Variants in ANXA8 observed in about 807,000 individuals in gnomAD.
The protein encoded by ANXA8 is annexin A8.
A neutral mutation model predicts 26.8 loss-of-function variants in ANXA8; 9 were observed. That is an observed-to-expected ratio of 0.34 (90% CI 0.20 to 0.59). The LOEUF (loss-of-function observed/expected upper bound fraction) is 0.59, where lower values mean the gene tolerates loss of function less well. ANXA8 is among the 20% of genes least tolerant of loss of function. The pLI, the probability that ANXA8 is intolerant of heterozygous loss-of-function variation, is 0.84. For synonymous variants in ANXA8, 39 were observed against 94.8 expected (o/e 0.41, Z 3.42); for missense variants, 83 against 238.5 (o/e 0.35, Z 4.29).
At chr10:47,672,391 T>C in the ANXA8 span, among the ~76,000 whole-genome samples, 1 of 151,920 alleles carries the variant, frequency 6.6e-6, no homozygotes, top group East Asian at 1.9e-4. Context: ...ACACAGGTTC[T>C]TTTTTGGTAA....
chr10:47,492,902 G>T, the ANXA8 span, among the ~76,000 whole-genome samples: 279 of 150,728 alleles, frequency 1.9e-3, no homozygotes, highest in Middle Eastern at 3.4e-3. Flanking sequence ...CCCAATGCAG[G>T]CTCCTGGAGC....
chr10:47,977,832 A>G, the ANXA8 span, among the ~76,000 whole-genome samples: 11 of 151,308 alleles, frequency 7.3e-5, no homozygotes, highest in Non-Finnish European at 1.2e-4. Context: ...GAGCATACCA[A>G]TATGTATATA....
the ANXA8 span, chr10:47,504,055 T>G: frequency 1.8e-6 from 1 of 565,398 alleles, no homozygotes. Flanking sequence ...CTCCAGCACA[T>G]TCTTTTTACA....
chr10:47,743,323 T>TACAC, the ANXA8 span, among the ~76,000 whole-genome samples: 1 of 94,310 alleles, frequency 1.1e-5, no homozygotes. Context: ...CACATATATA[T>TACAC]ATATACATAT....
upstream of ANXA8, among the ~76,000 whole-genome samples, chr10:47,486,331 G>C (rs1840045529): frequency 6.8e-6 from 1 of 146,430 alleles, no homozygotes; most frequent in South Asian, 2.2e-4. Context: ...AAACATGCAA[G>C]ACAAATGAGG....
At chr10:47,489,562 C>A in the ANXA8 span, 1 of 619,434 alleles carries the variant, frequency 1.6e-6, no homozygotes, top group African/African-American at 1.9e-5. Flanking sequence ...CCCTCCTTCC[C>A]TGCCCGACCT....
the ANXA8 span, among the ~76,000 whole-genome samples, chr10:47,643,167 T>TG: frequency 9.9e-5 from 8 of 81,052 alleles, no homozygotes; most frequent in East Asian, 2.2e-3. Context: ...TAGGAAGAAT[T>TG]GAAAAACACC....
At chr10:47,945,356 A>G in the ANXA8 span, among the ~76,000 whole-genome samples, 1 of 150,474 alleles carries the variant, frequency 6.6e-6, no homozygotes, top group Non-Finnish European at 1.5e-5. Flanking sequence ...ACTCGATGTT[A>G]TGGGCTCACG....
chr10:47,711,106 T>C, the ANXA8 span, among the ~76,000 whole-genome samples: 2 of 148,652 alleles, frequency 1.3e-5, no homozygotes, highest in Admixed American at 6.6e-5. Flanking sequence ...TCAAGGGAGT[T>C]ACCTTAACTC....
chr10:47,923,017 GC>G, the ANXA8 span: 200 of 549,478 alleles, frequency 3.6e-4, no homozygotes, highest in African/African-American at 4.1e-3. Flanking sequence ...CCAGCAGAGC[GC>G]CCCCCTGGAG....
the ANXA8 span, among the ~76,000 whole-genome samples, chr10:47,777,995 C>T: frequency 2.0e-5 from 3 of 151,760 alleles, no homozygotes; most frequent in Non-Finnish European, 4.4e-5. Flanking sequence ...TTTAAGGAGT[C>T]AAAAATGCAG....
the ANXA8 span, among the ~76,000 whole-genome samples, chr10:47,618,599 A>G: frequency 8.7e-6 from 1 of 114,978 alleles, no homozygotes. Context: ...TATATAGGTT[A>G]TCCATTAAAA....
the ANXA8 span, among the ~76,000 whole-genome samples, chr10:47,674,228 C>T: frequency 6.7e-6 from 1 of 150,358 alleles, no homozygotes; most frequent in Non-Finnish European, 1.5e-5. Context: ...AACTCCTGGG[C>T]TCACATGATC....
the ANXA8 span, among the ~76,000 whole-genome samples, chr10:47,664,547 T>A: frequency 2.7e-5 from 4 of 150,812 alleles, no homozygotes; most frequent in Non-Finnish European, 5.9e-5. Context: ...CAGCCTGGGC[T>A]ACAAGAGTGA....
chr10:47,951,416 A>G, the ANXA8 span, among the ~76,000 whole-genome samples: 1 of 150,286 alleles, frequency 6.7e-6, no homozygotes, highest in South Asian at 2.1e-4. Flanking sequence ...AAGGAGGAGG[A>G]AAGACTTTCT....
At chr10:47,674,687 T>C in the ANXA8 span, among the ~76,000 whole-genome samples, 1 of 151,850 alleles carries the variant, frequency 6.6e-6, no homozygotes, top group Non-Finnish European at 1.5e-5. Flanking sequence ...AGATTTCTTC[T>C]GCATGGAAGA....
chr10:47,946,479 C>T, the ANXA8 span, among the ~76,000 whole-genome samples: 32 of 150,330 alleles, frequency 2.1e-4, no homozygotes, highest in South Asian at 4.4e-3. Flanking sequence ...GCAGCAAATG[C>T]TTAGTAAGCA....
At chr10:47,985,267 C>A in the ANXA8 span, among the ~76,000 whole-genome samples, 1 of 147,090 alleles carries the variant, frequency 6.8e-6, no homozygotes, top group Non-Finnish European at 1.5e-5. Flanking sequence ...AATCACTGCA[C>A]ACTTATTTGA....
chr10:47,945,067 T>A, the ANXA8 span, among the ~76,000 whole-genome samples: 1 of 150,450 alleles, frequency 6.6e-6, no homozygotes, highest in Admixed American at 6.6e-5. Context: ...AGAGCTTCTA[T>A]GTCACTCCCT....
Sources: allele counts gnomAD v4.1 joint callset (sites outside exome capture counted in the v4.1 genomes callset), GRCh38; gene constraint gnomAD v4.1.1; transcripts MANE v1.5; gene names NCBI Gene and HGNC (gene_info 2026-07-23, HGNC 2026-07-21).